Variants in ESRRG observed in about 807,000 individuals in gnomAD.
ESRRG encodes the protein estrogen related receptor gamma.
A neutral mutation model predicts 44.0 loss-of-function variants in ESRRG; 13 were observed. The observed-to-expected ratio is 0.30, with a 90% CI of 0.19 to 0.47. The LOEUF (loss-of-function observed/expected upper bound fraction) is 0.47. Among genes scored for constraint, ESRRG ranks in the 20% least tolerant of loss-of-function variants. The probability of loss-of-function intolerance (pLI) is 1.00; values close to 1 mark genes in which losing one functional copy is unlikely to be tolerated. For synonymous variants in ESRRG, 215 were observed against 214.6 expected (o/e 1.00, Z -0.02); for missense variants, 395 against 580.6 (o/e 0.68, Z 3.29).
At chr1:216,656,435 G>A (rs537054507) in intron 2 of ESRRG, among the ~76,000 whole-genome samples, 15 of 152,152 alleles carry the variant, frequency 9.9e-5, no homozygotes, top group Admixed American at 3.9e-4. Context: ...AAAAAGTCCC[G>A]GGCTCTGATT....
rs551363567 is a variant in ESRRG at position 216,571,720 on chromosome 1, G to A, written c.590-3622C>T. ...TTTATCCTAGCTATACACCTATCCA[G>A]TGAAAAACCTTTCACATAAGTCCTG... On this transcript the variant is annotated intron_variant, in intron 3 of 6. Coordinates refer to ENST00000408911, the MANE Select transcript of ESRRG (RefSeq NM_001438.4). Among the ~76,000 whole-genome samples the A allele has an allele frequency of 3.9e-4, 59 of 152,042 alleles. 1 individual carries two copies. In the South Asian group the frequency reaches 0.012, roughly 30 times the overall value.
chr1:216,769,980 CA>C (rs926019713), intron 2 of ESRRG, among the ~76,000 whole-genome samples: 2 of 151,926 alleles, frequency 1.3e-5, no homozygotes, highest in African/African-American at 4.8e-5. Context: ...GTCCACTTTT[CA>C]GGAATAGAAA....
chr1:216,822,694 A>T (rs896830099), intron 2 of ESRRG, among the ~76,000 whole-genome samples: 14 of 152,216 alleles, frequency 9.2e-5, no homozygotes, highest in African/African-American at 3.1e-4. Flanking sequence ...AAATGGGCCA[A>T]TAGCTGTTGA....
At chr1:216,884,713 A>C (rs1347749413) in intron 2 of ESRRG, among the ~76,000 whole-genome samples, 1 of 152,226 alleles carries the variant, frequency 6.6e-6, no homozygotes, top group Non-Finnish European at 1.5e-5. Flanking sequence ...CGTCTCCTTT[A>C]GAACATGCCT....
intron 2 of ESRRG, among the ~76,000 whole-genome samples, chr1:216,888,610 C>T (rs1368669849): frequency 6.6e-6 from 1 of 152,128 alleles, no homozygotes; most frequent in African/African-American, 2.4e-5. Context: ...TACAGACTCT[C>T]ACCAATACCT....
chr1:217,095,953 T>C (rs1319835472), intron 1 of ESRRG, among the ~76,000 whole-genome samples: 1 of 152,218 alleles, frequency 6.6e-6, no homozygotes, highest in Non-Finnish European at 1.5e-5. Flanking sequence ...TATTTGGGAA[T>C]CATCAGTAAA....
At chr1:216,553,354 T>C (rs2056846808) in intron 5 of ESRRG, among the ~76,000 whole-genome samples, 1 of 152,098 alleles carries the variant, frequency 6.6e-6, no homozygotes, top group South Asian at 2.1e-4. Flanking sequence ...ACCCCTAGTG[T>C]TATGGTATTT....
intron 1 of ESRRG, among the ~76,000 whole-genome samples, chr1:217,001,020 A>G (rs2076970932): frequency 6.6e-6 from 1 of 152,244 alleles, no homozygotes; most frequent in African/African-American, 2.4e-5. Context: ...GTGATATAAG[A>G]TCATAAGCTA....
At chr1:216,724,254 C>A (rs1037131277), upstream of ESRRG, among the ~76,000 whole-genome samples, 3 of 151,926 alleles carry the variant, frequency 2.0e-5, no homozygotes, top group African/African-American at 7.2e-5. Flanking sequence ...GGTAAACAGC[C>A]GCAGGACAAA....
intron 2 of ESRRG, among the ~76,000 whole-genome samples, chr1:216,753,846 T>C (rs2092264935): frequency 6.7e-6 from 1 of 150,350 alleles, no homozygotes; most frequent in Non-Finnish European, 1.5e-5. Flanking sequence ...AGGTGGGGAG[T>C]CGTAAGAAGG....
At chr1:216,816,485 A>G (rs558123466) in intron 2 of ESRRG, among the ~76,000 whole-genome samples, 6 of 152,352 alleles carry the variant, frequency 3.9e-5, no homozygotes, top group Non-Finnish European at 8.8e-5. Context: ...AGTGAATACT[A>G]ACATAATGCC....
chr1:216,753,159 T>C (rs181704066), intron 2 of ESRRG, among the ~76,000 whole-genome samples: 14 of 119,838 alleles, frequency 1.2e-4, no homozygotes, highest in South Asian at 5.3e-4. Context: ...CAAAGGACCA[T>C]ATATCTATAT....
chr1:216,831,229 G>A (rs1559798425), intron 2 of ESRRG, among the ~76,000 whole-genome samples: 1 of 152,250 alleles, frequency 6.6e-6, no homozygotes, highest in Middle Eastern at 3.4e-3. Context: ...GTTGTTAGCA[G>A]AGGCTTGGTT....
At chr1:216,970,757 G>A (rs569261974) in intron 1 of ESRRG, among the ~76,000 whole-genome samples, 45 of 152,262 alleles carry the variant, frequency 3.0e-4, no homozygotes, top group African/African-American at 1.1e-3. Flanking sequence ...ACAAATATTT[G>A]AATGTCCTTT....
chr1:216,552,209 A>G (rs542639276), intron 5 of ESRRG, among the ~76,000 whole-genome samples: 1 of 152,238 alleles, frequency 6.6e-6, no homozygotes, highest in East Asian at 1.9e-4. Context: ...ATGTATATCT[A>G]TATATATAAA....
In ESRRG at chr1:216,552,421, A is replaced by G. The variant is rs1450277544; in HGVS notation, c.862+11798T>C. On this transcript the variant is annotated intron_variant, in intron 5 of 6. Coordinates refer to ENST00000408911, the MANE Select transcript of ESRRG (RefSeq NM_001438.4). ...CTTGTGACCTCATGCAGATCATTCAACTTTCTTGATCTTAAGCATCTTTAT... is the reference window on the plus strand; with the variant it reads ...CTTGTGACCTCATGCAGATCATTCAGCTTTCTTGATCTTAAGCATCTTTAT... Among the ~76,000 whole-genome samples, 3 of 152,174 alleles carry G rather than the reference A, an allele frequency of 2.0e-5. No individual in the cohort carries two copies. The South Asian group carries it at 6.2e-4, about 32-fold the overall frequency.
chr1:216,665,761 A>T (rs777078345), intron 2 of ESRRG, among the ~76,000 whole-genome samples: 1 of 152,204 alleles, frequency 6.6e-6, no homozygotes. Context: ...TTTTAAGTAT[A>T]AAAGCTAAAA....
At chr1:216,936,175 T>A (rs1056972089) in intron 2 of ESRRG, among the ~76,000 whole-genome samples, 2 of 151,918 alleles carry the variant, frequency 1.3e-5, no homozygotes, top group Non-Finnish European at 2.9e-5. Context: ...AGGTTGGGGG[T>A]GTTGTGGGGG....
intron 2 of ESRRG, among the ~76,000 whole-genome samples, chr1:216,782,845 G>A (rs1410860463): frequency 1.3e-5 from 2 of 151,952 alleles, no homozygotes; most frequent in African/African-American, 2.4e-5. Context: ...GCATGCTAGA[G>A]GTGACAGGAA....
Sources: gnomAD v4.1 joint callset for allele counts (sites outside exome capture counted in the v4.1 genomes callset) on GRCh38, gnomAD v4.1.1 for gene constraint, MANE v1.5 for transcripts, NCBI Gene and HGNC (gene_info 2026-07-23, HGNC 2026-07-21) for gene names.